Variants in SIPA1L3 observed in about 807,000 individuals in gnomAD.
The protein encoded by SIPA1L3 is signal-induced proliferation-associated 1-like protein 3.
In SIPA1L3, 59 loss-of-function variants were observed where a neutral mutation model predicts 150.1. The observed-to-expected ratio is 0.39, with a 90% confidence interval of 0.32 to 0.49. The LOEUF (loss-of-function observed/expected upper bound fraction) is 0.49. SIPA1L3 is among the 20% of genes least tolerant of loss of function. SIPA1L3 has a pLI of 0.86. For synonymous variants in SIPA1L3, 1,070 were observed against 1,077.6 expected, an observed-to-expected ratio of 0.99 and a Z score of 0.14; for missense variants, 2,211 against 2,489.5, an observed-to-expected ratio of 0.89 and a Z score of 2.38.
chr19:38,150,359 C>A (rs115803579), intron 12 of SIPA1L3, among the ~76,000 whole-genome samples: 3,294 of 152,036 alleles, frequency 0.022, 114 homozygotes, highest in African/African-American at 0.073. Flanking sequence ...GGCAGGGTCC[C>A]TGTAGAGACA....
chr19:38,081,714 T>G lies in SIPA1L3; in HGVS notation c.149T>G (p.Leu50Arg), dbSNP rs1969985272. Residue 50 changes from leucine (L) to arginine (R), a missense_variant, in exon 3 of 22, where the codon CTT becomes CGT. This residue lies in a region of SIPA1L3 where 130 missense variants were observed against 174.5 expected (regional missense o/e 0.74). Coordinates refer to ENST00000222345, the MANE Select transcript of SIPA1L3 (RefSeq NM_015073.3). Reference sequence around the variant, plus strand: ...CAGAATGGCAGCATGTCCCAGCCTCTTGGCGAGAGCCCGGCCACCGCCACC... The same window carrying G: ...CAGAATGGCAGCATGTCCCAGCCTCGTGGCGAGAGCCCGGCCACCGCCACC... ...WAQNGSMSQP[L>R]GESPATATAT... is the part of the protein sequence containing the mutation. 6.2e-7 allele frequency: 1 copy of G among 1,608,808 alleles called. No individual in the cohort carries two copies. Among genetic ancestry groups the G allele is most frequent in the Non-Finnish European group, 8.5e-7 (1 of 1,178,730 alleles).
chr19:37,953,638 A>G (rs780646169), intron 1 of SIPA1L3, among the ~76,000 whole-genome samples: 2 of 152,234 alleles, frequency 1.3e-5, no homozygotes, highest in African/African-American at 4.8e-5. Flanking sequence ...GAATTGACCT[A>G]TCGGTTCAGA....
Position 38,082,558 on chromosome 19 carries a change from C to T in SIPA1L3, c.993C>T (p.Ser331=). 1.9e-6 allele frequency: 3 copies of T among 1,602,014 alleles called. No individual in the cohort carries two copies. Among genetic ancestry groups the T allele is most frequent in the Non-Finnish European group, 1.7e-6 (2 of 1,176,676 alleles). ...ADEGRSPPEA[S]RPWVCQKSFA... is the part of the protein sequence containing the mutation. ...AGGGCCGGAGCCCCCCGGAAGCCAG[C>T]AGGCCGTGGGTGTGTCAGAAGAGCT... The change falls in exon 3 of 22, where the codon AGC becomes AGT. Residue 331 remains serine (S), a synonymous_variant. Transcript: ENST00000222345.
At position 38,164,798 on chromosome 19, in the gene SIPA1L3, C is replaced by G. The variant is rs1163832223; in HGVS notation, c.4100C>G (p.Pro1367Arg). Residue 1367 changes from proline (P) to arginine (R), a missense_variant, in exon 15 of 22, where the codon CCC becomes CGC. Pro to Arg is a moderately radical substitution (Grantham distance 103). Coordinates refer to ENST00000222345, the MANE Select transcript of SIPA1L3 (RefSeq NM_015073.3). This position sits in a 1 kb window ranked among gnomAD's most constrained non-coding sequence, Gnocchi z 4.1. ...AGGCGGCGGGAGGTCTCCCCTGCCC[C>G]CGCAGTTGCCGGCCAAAGCAAGGGC... The part of the protein sequence containing the change: ...ADRRREVSPA[P>R]AVAGQSKGYR... 1.2e-6 allele frequency: 2 copies of G among 1,611,676 alleles called. No homozygotes were observed. The highest frequency in any genetic ancestry group is 1.7e-6 in the Non-Finnish European group (2 of 1,178,946).
intron 2 of SIPA1L3, among the ~76,000 whole-genome samples, chr19:38,079,152 G>T (rs1358954857): frequency 6.6e-6 from 1 of 152,184 alleles, no homozygotes; most frequent in Admixed American, 6.5e-5. Flanking sequence ...CTAACACGGT[G>T]AAACCCTGTC....
chr19:38,174,740 C>G (rs1972402488), intron 15 of SIPA1L3, among the ~76,000 whole-genome samples: 2 of 151,730 alleles, frequency 1.3e-5, no homozygotes. Context: ...GTCCCAGAGA[C>G]TCGAGAGGCT....
intron 1 of SIPA1L3, among the ~76,000 whole-genome samples, chr19:37,984,357 T>TA (rs1286089272): frequency 6.6e-6 from 1 of 151,926 alleles, no homozygotes; most frequent in East Asian, 1.9e-4. Flanking sequence ...GAAATAAAGC[T>TA]AGAAGGAGTG....
chr19:37,947,653 A>G (rs904475403), intron 1 of SIPA1L3, among the ~76,000 whole-genome samples: 68 of 152,290 alleles, frequency 4.5e-4, no homozygotes, highest in African/African-American at 1.4e-3. Flanking sequence ...CCGTAACTCA[A>G]TGAAGCAGAT....
Position 38,164,682 on chromosome 19 carries a change from T to TCCACGGCCCGCCAAGCCACACAAGCCC in SIPA1L3, c.3987_4013dup (p.Arg1330_Pro1338dup). The TCCACGGCCCGCCAAGCCACACAAGCCC allele has an allele frequency of 6.2e-7, 1 of 1,613,882 alleles. No homozygotes were observed. Among genetic ancestry groups the TCCACGGCCCGCCAAGCCACACAAGCCC allele is most frequent in the Non-Finnish European group, 8.5e-7 (1 of 1,179,936 alleles). On this transcript the variant is annotated inframe_insertion, in exon 15 of 22. Coordinates refer to ENST00000222345, the MANE Select transcript of SIPA1L3 (RefSeq NM_015073.3). The surrounding 1 kb of genome is among the most constrained non-coding windows in gnomAD (Gnocchi z 4.1). ...CTAGCTGCATGTCCCTGGCCAAGGC[T>TCCACGGCCCGCCAAGCCACACAAGCCC]CCACGGCCCGCCAAGCCACACAAGC...
At chr19:38,166,779 C>T (rs989019306) in intron 15 of SIPA1L3, among the ~76,000 whole-genome samples, 2 of 152,056 alleles carry the variant, frequency 1.3e-5, no homozygotes, top group Non-Finnish European at 2.9e-5. Flanking sequence ...ACCTGGTTGG[C>T]GCAGGGATCT....
chr19:38,049,380 C>G (rs1969136954), intron 2 of SIPA1L3, among the ~76,000 whole-genome samples: 1 of 152,134 alleles, frequency 6.6e-6, no homozygotes, highest in Non-Finnish European at 1.5e-5. Context: ...TGGTTTTCAC[C>G]AAATAGCATG....
intron 1 of SIPA1L3, among the ~76,000 whole-genome samples, chr19:37,934,054 G>T (rs2046578793): frequency 6.6e-6 from 1 of 152,166 alleles, no homozygotes; most frequent in African/African-American, 2.4e-5. Flanking sequence ...TTGCTCTGGG[G>T]CTGAACAAGT....
chr19:37,960,328 A>C (rs553171674), intron 1 of SIPA1L3, among the ~76,000 whole-genome samples: 1 of 151,360 alleles, frequency 6.6e-6, no homozygotes, highest in East Asian at 1.9e-4. Context: ...GCCTCAACCT[A>C]CTGTGTTCAA....
intron 8 of SIPA1L3, among the ~76,000 whole-genome samples, chr19:38,117,663 G>A (rs1032083865): frequency 3.9e-5 from 6 of 151,920 alleles, no homozygotes; most frequent in Admixed American, 2.6e-4. Context: ...CTCCTGCTGC[G>A]GGGTGGGGAA....
intron 1 of SIPA1L3, among the ~76,000 whole-genome samples, chr19:37,937,303 C>T (rs2046609115): frequency 6.6e-6 from 1 of 152,132 alleles, no homozygotes; most frequent in Non-Finnish European, 1.5e-5. Context: ...CACTGTTTGC[C>T]CAAGAACTTG....
chr19:38,136,225 T>C (rs1971434332), intron 10 of SIPA1L3, among the ~76,000 whole-genome samples: 1 of 124,516 alleles, frequency 8.0e-6, no homozygotes, highest in Non-Finnish European at 1.6e-5. Flanking sequence ...CGTAAGAAAG[T>C]GGGAGCAGTG....
rs142598144 is a variant in SIPA1L3 at position 38,100,000 on chromosome 19, G to A, written c.1704G>A (p.Thr568=). 6.7e-5 allele frequency: 108 copies of A among 1,609,324 alleles called. No individual in the cohort carries two copies. Among genetic ancestry groups the A allele is most frequent in the Middle Eastern group, 6.6e-4 (4 of 6,036 alleles). ...GGGGCTCCATCCTGGAAGATGCTAC[G>A]CCCACAGCCACCAAGCATGGGACCG... ...TLRGSILEDA[T]PTATKHGTGR... is the part of the protein sequence containing the mutation. Residue 568 remains threonine (T), a synonymous_variant, in exon 5 of 22, where the codon ACG becomes ACA. Coordinates refer to ENST00000222345, the MANE Select transcript of SIPA1L3 (RefSeq NM_015073.3).
chr19:38,001,436 A>C (rs1967806645), intron 1 of SIPA1L3, among the ~76,000 whole-genome samples: 1 of 152,154 alleles, frequency 6.6e-6, no homozygotes, highest in Non-Finnish European at 1.5e-5. Flanking sequence ...ACTTAAAAAA[A>C]AAATTCTGAG....
chr19:38,118,255 T>C (rs932178774), intron 8 of SIPA1L3, among the ~76,000 whole-genome samples: 4 of 152,076 alleles, frequency 2.6e-5, no homozygotes, highest in African/African-American at 7.2e-5. Context: ...TGTTTCTTTC[T>C]GGCTTACAAA....
Sources: allele counts gnomAD v4.1 joint callset (sites outside exome capture counted in the v4.1 genomes callset), GRCh38; gene constraint gnomAD v4.1.1; regional missense constraint gnomAD v4.1.1; non-coding constraint Gnocchi (gnomAD v3.1); transcripts MANE v1.5; gene names NCBI Gene and HGNC (gene_info 2026-07-23, HGNC 2026-07-21).